The following KLF13 variants were observed in gnomAD, a reference collection of about 807,000 sequenced individuals.
KLF13 encodes the protein KLF transcription factor 13.
KLF13 carries 8 observed loss-of-function variants against 16.7 expected under a neutral mutation model. The observed-to-expected ratio is 0.48, with a 90% CI of 0.28 to 0.87. KLF13 has a LOEUF of 0.87. KLF13 is among the 40% of genes least tolerant of loss of function. The pLI is 0.10. For missense variants in KLF13, 447 were observed against 452.2 expected (o/e 0.99, Z 0.10); for synonymous variants, 245 against 208.4 (o/e 1.18, Z -1.51).
At chr15:31,431,211 C>T (rs146482594) in intron 1 of KLF13, among the ~76,000 whole-genome samples, 1 of 152,132 alleles carries the variant, frequency 6.6e-6, no homozygotes. Flanking sequence ...GAGCCCTCAC[C>T]GAGAACCCAA....
At chr15:31,349,128 A>G (rs563964797) in intron 1 of KLF13, among the ~76,000 whole-genome samples, 55 of 152,278 alleles carry the variant, frequency 3.6e-4, no homozygotes, top group African/African-American at 1.3e-3. Context: ...CGGAAGGCAG[A>G]TGGCGAGGTA....
chr15:31,328,114 CGCGGGCAGGT>C (rs921934766), intron 1 of KLF13, among the ~76,000 whole-genome samples: 1 of 149,674 alleles, frequency 6.7e-6, no homozygotes, highest in East Asian at 2.0e-4. Context: ...CGGGAGGCGG[CGCGGGCAGGT>C]GCGGGCGGCC....
At chr15:31,426,997 C>A (rs1387803062) in intron 1 of KLF13, among the ~76,000 whole-genome samples, 1 of 152,166 alleles carries the variant, frequency 6.6e-6, no homozygotes, top group African/African-American at 2.4e-5. Flanking sequence ...TGCTAGTGGT[C>A]CCCTGGATTC....
At chr15:31,329,441 T>G (rs1566799189) in intron 1 of KLF13, among the ~76,000 whole-genome samples, 3 of 149,002 alleles carry the variant, frequency 2.0e-5, no homozygotes, top group Non-Finnish European at 4.4e-5. Context: ...TCTGTCAGGG[T>G]GGCCTGCCAC....
In KLF13 at chr15:31,373,836, G is replaced by C. The variant is rs1167145565; in HGVS notation, c.*1537G>C. On this transcript the variant is annotated 3_prime_UTR_variant, in exon 2 of 2. Transcript: ENST00000307145. ...CCTGTAAATACAAGGGCCCAGGACA[G>C]AGTGTGTGCGTGCGTGTGGGTGTGT... 6.7e-6 allele frequency: 1 copy of C among 150,104 alleles called. No homozygotes were observed. The highest frequency in any genetic ancestry group is 1.5e-5 in the Non-Finnish European group (1 of 67,414). 9.3% of individuals were successfully genotyped at this position (150,104 alleles called of 1,614,324 possible). A position where few individuals can be genotyped will look rare whatever the true frequency, so the allele number is the denominator to read the frequency against.
intron 2 of KLF13, among the ~76,000 whole-genome samples, chr15:31,396,267 C>T (rs758015822): frequency 1.4e-4 from 21 of 152,174 alleles, no homozygotes; most frequent in Non-Finnish European, 2.4e-4. Flanking sequence ...AGGTGATCTG[C>T]CCACTTCGGC....
At chr15:31,415,625 G>A (rs1312775989) in intron 1 of KLF13, among the ~76,000 whole-genome samples, 3 of 152,094 alleles carry the variant, frequency 2.0e-5, no homozygotes, top group Non-Finnish European at 4.4e-5. Context: ...CAAAGTAAAG[G>A]AATGCGAGTA....
Position 31,376,839 on chromosome 15 carries a change from G to A in KLF13, c.*4540G>A, listed in dbSNP as rs2039654494. The A allele has an allele frequency of 6.6e-6, 1 of 152,564 alleles. No homozygotes were observed. Among genetic ancestry groups the A allele is most frequent in the Non-Finnish European group, 1.5e-5 (1 of 68,036 alleles). The allele number at this position is 152,564 out of a possible 1,614,324, so 9.5% of individuals were successfully genotyped here. ...CATGAAGATTTCAGACTTGCAGTGC[G>A]GCCACCTGGCCCTGCCCTGCCTCTC... is the stretch of plus-strand genomic sequence containing the variant. On this transcript the variant is annotated 3_prime_UTR_variant, in exon 2 of 2. Coordinates refer to ENST00000307145, the MANE Select transcript of KLF13 (RefSeq NM_015995.4).
At chr15:31,420,851 C>G (rs1237449794) in intron 1 of KLF13, among the ~76,000 whole-genome samples, 1 of 152,086 alleles carries the variant, frequency 6.6e-6, no homozygotes, top group Non-Finnish European at 1.5e-5. Context: ...TGCCACCATG[C>G]CCGGCTAATT....
intron 1 of KLF13, among the ~76,000 whole-genome samples, chr15:31,361,163 A>G (rs2039377863): frequency 6.6e-6 from 1 of 152,118 alleles, no homozygotes; most frequent in Non-Finnish European, 1.5e-5. Flanking sequence ...CTGTGGGGGC[A>G]GCAGGGGCCC....
At chr15:31,406,558 GTAACCAA>G (rs745830675), downstream of KLF13, among the ~76,000 whole-genome samples, 5 of 152,168 alleles carry the variant, frequency 3.3e-5, no homozygotes, top group South Asian at 2.1e-4. Context: ...GAAGTGCAGT[GTAACCAA>G]TAACCAATAA....
downstream of KLF13, among the ~76,000 whole-genome samples, chr15:31,404,957 C>T (rs932150583): frequency 2.0e-5 from 3 of 152,144 alleles, no homozygotes; most frequent in South Asian, 2.1e-4. Flanking sequence ...TAATCCCAGG[C>T]TCCACCCTGC....
downstream of KLF13, among the ~76,000 whole-genome samples, chr15:31,405,782 G>C (rs1443202582): frequency 6.6e-6 from 1 of 152,280 alleles, no homozygotes; most frequent in South Asian, 2.1e-4. Context: ...ACCCTTGGCA[G>C]CTATCTGTAT....
intron 1 of KLF13, among the ~76,000 whole-genome samples, chr15:31,431,782 A>T (rs1287457830): frequency 1.3e-5 from 2 of 152,226 alleles, no homozygotes; most frequent in Non-Finnish European, 2.9e-5. Context: ...TCTTAAAAGC[A>T]TAATCTTGAG....
intron 1 of KLF13, among the ~76,000 whole-genome samples, chr15:31,369,056 A>T (rs983973282): frequency 5.3e-5 from 8 of 152,158 alleles, no homozygotes; most frequent in African/African-American, 1.9e-4. Context: ...AAATTTAAGG[A>T]TTTACCTGAC....
intron 1 of KLF13, among the ~76,000 whole-genome samples, chr15:31,352,495 C>T (rs1041743808): frequency 3.9e-5 from 6 of 152,222 alleles, no homozygotes; most frequent in East Asian, 1.9e-4. Flanking sequence ...GCCATGACGT[C>T]GGCCAGCAGC....
intron 1 of KLF13, among the ~76,000 whole-genome samples, chr15:31,351,858 C>T (rs538247672): frequency 6.6e-6 from 1 of 152,064 alleles, no homozygotes; most frequent in Non-Finnish European, 1.5e-5. Context: ...ACTAAAAATA[C>T]AAAAATTAGC....
intron 1 of KLF13, 83 bp downstream of exon 1, chr15:31,327,872 G>T: frequency 1.7e-6 from 2 of 1,199,782 alleles, no homozygotes; most frequent in Non-Finnish European, 2.1e-6. Flanking sequence ...GTCCCCGATG[G>T]GGCGCGAGGT....
At chr15:31,338,752 G>C (rs1443479710) in intron 1 of KLF13, among the ~76,000 whole-genome samples, 1 of 152,036 alleles carries the variant, frequency 6.6e-6, no homozygotes, top group Admixed American at 6.5e-5. Context: ...TGGGATCCTG[G>C]CCCTGGCCGG....
Sources: gnomAD v4.1 joint callset for allele counts (sites outside exome capture counted in the v4.1 genomes callset) on GRCh38, gnomAD v4.1.1 for gene constraint, MANE v1.5 for transcripts, NCBI Gene and HGNC (gene_info 2026-07-23, HGNC 2026-07-21) for gene names.